RBFOX1: variants seen among roughly 807,000 people sequenced by gnomAD.
The protein encoded by RBFOX1 is RNA binding protein fox-1 homolog 1.
In RBFOX1, 8 loss-of-function variants were observed where a neutral mutation model predicts 57.7. The observed-to-expected ratio is 0.14, with a 90% CI of 0.08 to 0.25. The LOEUF (loss-of-function observed/expected upper bound fraction) is 0.25, where lower values mean the gene tolerates loss of function less well. Among genes scored for constraint, RBFOX1 ranks in the 10% least tolerant of loss-of-function variants. RBFOX1 has a pLI of 1.00. For missense variants in RBFOX1, 611 were observed against 548.5 expected, an observed-to-expected ratio of 1.11 and a Z score of -1.14; for synonymous variants, 326 against 222.4, an observed-to-expected ratio of 1.47 and a Z score of -4.15.
chr16:6,859,493 C>G (rs2058631793), intron 3 of RBFOX1, among the ~76,000 whole-genome samples: 1 of 151,930 alleles, frequency 6.6e-6, no homozygotes, highest in Non-Finnish European at 1.5e-5. Context: ...TTCAAGTCTA[C>G]TGCCCTAATG....
intron 1 of RBFOX1, among the ~76,000 whole-genome samples, chr16:6,314,009 G>A (rs1441108995): frequency 1.3e-5 from 2 of 151,994 alleles, no homozygotes; most frequent in Non-Finnish European, 2.9e-5. Flanking sequence ...TGGAAAGGAG[G>A]GGCTATAAAA....
intron 3 of RBFOX1, among the ~76,000 whole-genome samples, chr16:5,820,477 C>G (rs1597377869): frequency 6.6e-6 from 1 of 152,290 alleles, no homozygotes; most frequent in East Asian, 1.9e-4. Flanking sequence ...AGCACCAGAG[C>G]TGCAGCTGCC....
At chr16:6,599,393 G>C (rs1221545473) in intron 2 of RBFOX1, among the ~76,000 whole-genome samples, 1 of 152,076 alleles carries the variant, frequency 6.6e-6, no homozygotes, top group Non-Finnish European at 1.5e-5. Context: ...TTCCTTGGGA[G>C]TTAAAGTACT....
At chr16:6,748,918 GT>G (rs1370788513) in intron 3 of RBFOX1, 3 of 152,146 alleles carry the variant, frequency 2.0e-5, no homozygotes, top group African/African-American at 7.2e-5. Context: ...TAGTGTTACA[GT>G]TCTTTCAGAA....
chr16:6,011,323 T>C (rs1423434796), intron 4 of RBFOX1, among the ~76,000 whole-genome samples: 2 of 152,240 alleles, frequency 1.3e-5, no homozygotes. Context: ...TAAAACAGCC[T>C]TTGTTTTTAC....
At chr16:7,154,790 T>C (rs12709179) in intron 4 of RBFOX1, among the ~76,000 whole-genome samples, 26,749 of 151,594 alleles carry the variant, frequency 0.18, 2,974 homozygotes, top group East Asian at 0.33. Flanking sequence ...ATGGGATACA[T>C]ATTTTACCAA....
At chr16:6,595,892 C>T (rs138203883) in intron 2 of RBFOX1, among the ~76,000 whole-genome samples, 199 of 152,142 alleles carry the variant, frequency 1.3e-3, no homozygotes, top group African/African-American at 4.5e-3. Flanking sequence ...ACTTCGCCAA[C>T]TTTTAAAATA....
At chr16:6,217,004 C>T (rs1333489234) in intron 1 of RBFOX1, among the ~76,000 whole-genome samples, 3 of 151,904 alleles carry the variant, frequency 2.0e-5, no homozygotes, top group Admixed American at 6.6e-5. Flanking sequence ...CTTGGAATTT[C>T]GGCAGTTCAA....
chr16:7,263,056 A>T (rs1474049595), intron 4 of RBFOX1, among the ~76,000 whole-genome samples: 3 of 152,194 alleles, frequency 2.0e-5, no homozygotes, highest in African/African-American at 4.8e-5. Flanking sequence ...TCTCTCCTCT[A>T]GTCTCTTAGA....
chr16:7,498,001 C>A (rs2069262119), intron 4 of RBFOX1, among the ~76,000 whole-genome samples: 1 of 152,196 alleles, frequency 6.6e-6, no homozygotes, highest in African/African-American at 2.4e-5. Context: ...CCTCTCCTGT[C>A]CCCAAATAGG....
intron 3 of RBFOX1, among the ~76,000 whole-genome samples, chr16:7,022,761 G>A (rs1486369770): frequency 1.3e-5 from 2 of 152,126 alleles, no homozygotes; most frequent in Admixed American, 6.5e-5. Context: ...GTTTCCTAAT[G>A]TTTGGTATAT....
chr16:7,292,369 T>G (rs1421042618), intron 4 of RBFOX1, among the ~76,000 whole-genome samples: 1 of 140,752 alleles, frequency 7.1e-6, no homozygotes, highest in Non-Finnish European at 1.5e-5. Flanking sequence ...TTATGTTATA[T>G]ATCATATATG....
Position 7,688,882 on chromosome 16 carries a change from C to G in RBFOX1, c.995+12044C>G, listed in dbSNP as rs566245424. Among the ~76,000 whole-genome samples the G allele has an allele frequency of 1.9e-4, 29 of 152,118 alleles. 1 individual carries two copies. The East Asian group carries it at 3.7e-3, about 19-fold the overall frequency. On this transcript the variant is annotated intron_variant, in intron 14 of 15. Coordinates refer to ENST00000550418, the MANE Select transcript of RBFOX1 (RefSeq NM_018723.4). ...ATATTTCTTAGAGGAAATGAAGATT[C>G]AGAATGTTAAGTTACTCCACAGAGA...
chr16:6,674,502 A>AGG (rs2098788446), intron 3 of RBFOX1, among the ~76,000 whole-genome samples: 1 of 151,968 alleles, frequency 6.6e-6, no homozygotes, highest in Non-Finnish European at 1.5e-5. Context: ...TTGTATTTTT[A>AGG]GTAGAGACGG....
chr16:6,291,272 C>A (rs2077440370), intron 1 of RBFOX1, among the ~76,000 whole-genome samples: 1 of 152,292 alleles, frequency 6.6e-6, no homozygotes, highest in Non-Finnish European at 1.5e-5. Flanking sequence ...CCCAGTAGGT[C>A]TCAGCCTCAT....
chr16:5,782,595 T>G (rs1366136688), intron 3 of RBFOX1, among the ~76,000 whole-genome samples: 1 of 152,170 alleles, frequency 6.6e-6, no homozygotes. Flanking sequence ...TATTGATTGC[T>G]TACTATGTTA....
intron 3 of RBFOX1, among the ~76,000 whole-genome samples, chr16:6,833,641 T>A (rs890901968): frequency 5.3e-5 from 8 of 152,212 alleles, no homozygotes; most frequent in African/African-American, 1.9e-4. Flanking sequence ...GATTTTGTCT[T>A]CCTCATGTCT....
intron 4 of RBFOX1, among the ~76,000 whole-genome samples, chr16:7,162,817 C>T (rs1040950382): frequency 6.6e-6 from 1 of 152,140 alleles, no homozygotes; most frequent in Non-Finnish European, 1.5e-5. Flanking sequence ...TCTCCTTCTT[C>T]CTCATCTTTT....
chr16:6,647,603 A>G (rs569573481), intron 2 of RBFOX1, among the ~76,000 whole-genome samples: 21 of 152,148 alleles, frequency 1.4e-4, no homozygotes, highest in Non-Finnish European at 2.8e-4. Context: ...TAGAGTTCCC[A>G]TCTCCAAATA....
Sources: allele counts gnomAD v4.1 joint callset (sites outside exome capture counted in the v4.1 genomes callset), GRCh38; gene constraint gnomAD v4.1.1; transcripts MANE v1.5; gene names NCBI Gene and HGNC (gene_info 2026-07-23, HGNC 2026-07-21).